PCDHGA3: variants seen among roughly 807,000 people sequenced by gnomAD.
The protein encoded by PCDHGA3 is protocadherin gamma subfamily A, 3, also known as protocadherin gamma-A3.
PCDHGA3 carries 40 observed loss-of-function variants against 58.5 expected under a neutral mutation model. The observed-to-expected ratio is 0.68, with a 90% CI of 0.53 to 0.89. The LOEUF (loss-of-function observed/expected upper bound fraction) is 0.89, where lower values mean the gene tolerates loss of function less well. PCDHGA3 is among the 40% of genes least tolerant of loss of function. The pLI, the probability that PCDHGA3 is intolerant of heterozygous loss-of-function variation, is 0.00. For missense variants in PCDHGA3, 1,223 were observed against 1,195.9 expected, an observed-to-expected ratio of 1.02 and a Z score of -0.33; for synonymous variants, 530 against 525.7, an observed-to-expected ratio of 1.01 and a Z score of -0.11.
chr5:141,346,494 T>C (rs1199386487), intron 1 of PCDHGA3, 37 bp downstream of exon 1: 3 of 1,612,084 alleles, frequency 1.9e-6, no homozygotes. Flanking sequence ...TAAGAACAAA[T>C]ATGAGAATGT....
intron 3 of PCDHGA3, among the ~76,000 whole-genome samples, chr5:141,506,444 CAAAAAAAAAA>C (rs1219684339): frequency 8.4e-5 from 8 of 95,030 alleles, no homozygotes; most frequent in Non-Finnish European, 1.3e-4. Context: ...CGCTCTGTCT[CAAAAAAAAAA>C]AAAAAAAAAA....
rs771411620 is a variant in PCDHGA3, at chr5:141,485,551, G to A, written c.2425-9256G>A. ...GAGCAGAGGTAGAGATCGTAGATGT[G>A]AATGATCACGCCCCCCGTTTTCCGC... On this transcript the variant is annotated intron_variant, in intron 1 of 3. Transcript: ENST00000253812. This position sits in a 1 kb window ranked among gnomAD's most constrained non-coding sequence, Gnocchi z 5.7. 1.9e-6 allele frequency: 3 copies of A among 1,613,958 alleles called. No individual in the cohort carries two copies. Among genetic ancestry groups the A allele is most frequent in the Admixed American group, 1.7e-5 (1 of 60,006 alleles).
chr5:141,433,245 A>C, intron 1 of PCDHGA3: 3 of 1,459,776 alleles, frequency 2.1e-6, no homozygotes, highest in Non-Finnish European at 2.8e-6. Context: ...CCAAGCTGGA[A>C]TGCAGCGGTA....
chr5:141,356,781 C>A, intron 1 of PCDHGA3: 1 of 1,613,996 alleles, frequency 6.2e-7, no homozygotes, highest in African/African-American at 1.3e-5. Context: ...AGTTTAGAGA[C>A]CTGCAGCTGC....
intron 1 of PCDHGA3, among the ~76,000 whole-genome samples, chr5:141,455,445 C>T (rs1175054167): frequency 6.6e-6 from 1 of 152,134 alleles, no homozygotes; most frequent in Non-Finnish European, 1.5e-5. Context: ...TCCCCATCTA[C>T]CGCGGATACC....
chr5:141,509,586 T>A (rs2154594569), intron 3 of PCDHGA3, among the ~76,000 whole-genome samples: 1 of 152,302 alleles, frequency 6.6e-6, no homozygotes, highest in East Asian at 1.9e-4. Flanking sequence ...ACAAATCAGC[T>A]GGCAATTCCG....
intron 1 of PCDHGA3, chr5:141,387,848 C>A (rs746271589): frequency 1.1e-5 from 18 of 1,597,460 alleles, no homozygotes; most frequent in Non-Finnish European, 1.5e-5. Flanking sequence ...AACCCGGCGT[C>A]TCCAGGCTGG....
chr5:141,389,847 A>T (rs541124715), intron 1 of PCDHGA3: 1 of 1,614,066 alleles, frequency 6.2e-7, no homozygotes, highest in African/African-American at 1.3e-5. Flanking sequence ...ACTCTCGGCC[A>T]CTGCCACGTT....
At chr5:141,502,134 C>T (rs566073996) in intron 2 of PCDHGA3, among the ~76,000 whole-genome samples, 10 of 152,288 alleles carry the variant, frequency 6.6e-5, no homozygotes, top group African/African-American at 2.2e-4. Flanking sequence ...AGAGCTCAGT[C>T]GGGCCGGAAG....
intron 1 of PCDHGA3, chr5:141,418,464 G>A: frequency 3.7e-6 from 6 of 1,614,010 alleles, no homozygotes; most frequent in Non-Finnish European, 5.1e-6. Flanking sequence ...ACTCTGGACC[G>A]AGAAACGCAG....
intron 1 of PCDHGA3, chr5:141,408,164 A>G (rs2095051548): frequency 6.6e-7 from 1 of 1,520,576 alleles, no homozygotes; most frequent in South Asian, 1.3e-5. Context: ...ACTTTCTCCA[A>G]CTGGAAAAGC....
intron 1 of PCDHGA3, chr5:141,388,503 TC>T (rs1405490200): frequency 6.2e-7 from 1 of 1,613,782 alleles, no homozygotes; most frequent in Admixed American, 1.7e-5. Context: ...AAAGCAGAAA[TC>T]CTACCACTTG....
intron 1 of PCDHGA3, chr5:141,385,293 G>A: frequency 6.2e-7 from 1 of 1,613,166 alleles, no homozygotes; most frequent in Non-Finnish European, 8.5e-7. Flanking sequence ...TAGATTTTCA[G>A]GAATGTAAAG....
chr5:141,399,221 T>C (rs564668507), intron 1 of PCDHGA3: 1 of 1,613,960 alleles, frequency 6.2e-7, no homozygotes, highest in Non-Finnish European at 8.5e-7. Flanking sequence ...ATTGCTTTGA[T>C]CAAAATACAT....
At chr5:141,412,981 G>C (rs1309699690) in intron 1 of PCDHGA3, 2 of 546,326 alleles carry the variant, frequency 3.7e-6, no homozygotes, top group Non-Finnish European at 3.1e-6. Context: ...AACGCAGCCA[G>C]AGCTCAATCC....
intron 1 of PCDHGA3, chr5:141,364,516 C>A: frequency 6.2e-7 from 1 of 1,614,002 alleles, no homozygotes; most frequent in Non-Finnish European, 8.5e-7. Context: ...TGGCGGAGCG[C>A]GGAGTCCGCA....
At chr5:141,359,942 T>C (rs1471102697) in intron 1 of PCDHGA3, 6 of 497,370 alleles carry the variant, frequency 1.2e-5, no homozygotes, top group Non-Finnish European at 2.0e-5. Flanking sequence ...AGCGTCGCTG[T>C]TGGTCAAAAG....
intron 1 of PCDHGA3, chr5:141,365,999 G>A: frequency 1.9e-6 from 3 of 1,614,212 alleles, no homozygotes; most frequent in South Asian, 1.1e-5. Flanking sequence ...GGACCAGAAC[G>A]ACAATACGCC....
chr5:141,438,901 G>A (rs1039951275), intron 1 of PCDHGA3, among the ~76,000 whole-genome samples: 2 of 151,746 alleles, frequency 1.3e-5, no homozygotes, highest in African/African-American at 2.4e-5. Flanking sequence ...CCTGACCTCA[G>A]GTGATCCACC....
Sources: gnomAD v4.1 joint callset for allele counts (sites outside exome capture counted in the v4.1 genomes callset) on GRCh38, gnomAD v4.1.1 for gene constraint, Gnocchi (gnomAD v3.1) non-coding constraint, MANE v1.5 for transcripts, NCBI Gene and HGNC (gene_info 2026-07-23, HGNC 2026-07-21) for gene names.